The following CNTN4 variants were observed in gnomAD, a reference collection of about 807,000 sequenced individuals.
CNTN4 encodes contactin-4.
Under a neutral mutation model 122.5 loss-of-function variants are expected in CNTN4, and 77 were observed. That is an observed-to-expected ratio of 0.63 (90% CI 0.52 to 0.76). CNTN4 has a LOEUF of 0.76. Ranked by LOEUF, CNTN4 falls within the 30% of genes least tolerant of loss-of-function variation. The pLI, the probability that CNTN4 is intolerant of heterozygous loss-of-function variation, is 0.00. For synonymous variants in CNTN4, 512 were observed against 447.0 expected (o/e 1.15, Z -1.83); for missense variants, 1,256 against 1,259.1 (o/e 1.00, Z 0.04).
At chr3:2,608,809 A>G (rs1047065277) in intron 4 of CNTN4, among the ~76,000 whole-genome samples, 1 of 152,172 alleles carries the variant, frequency 6.6e-6, no homozygotes, top group African/African-American at 2.4e-5. Flanking sequence ...TAAAAAATGC[A>G]TTTGTTTGAG....
At chr3:2,705,173 C>T (rs2086584056) in intron 4 of CNTN4, among the ~76,000 whole-genome samples, 1 of 151,088 alleles carries the variant, frequency 6.6e-6, no homozygotes. Flanking sequence ...TCGAGACCAT[C>T]CTGGCTAACA....
chr3:2,196,489 A>G (rs1383677879), intron 2 of CNTN4, among the ~76,000 whole-genome samples: 1 of 152,262 alleles, frequency 6.6e-6, no homozygotes, highest in African/African-American at 2.4e-5. Flanking sequence ...TCACTTAATT[A>G]TACGGCCAAT....
intron 2 of CNTN4, among the ~76,000 whole-genome samples, chr3:2,169,298 A>G (rs1305587066): frequency 6.6e-6 from 1 of 152,210 alleles, no homozygotes; most frequent in Non-Finnish European, 1.5e-5. Context: ...TATTTATAAT[A>G]CATTGAAAAG....
intron 2 of CNTN4, among the ~76,000 whole-genome samples, chr3:2,322,635 T>G (rs2043311061): frequency 6.6e-6 from 1 of 152,258 alleles, no homozygotes; most frequent in Admixed American, 6.5e-5. Context: ...GTGAATGTAC[T>G]TAATGCCACT....
chr3:2,111,969 C>T (rs2032993553), intron 2 of CNTN4, among the ~76,000 whole-genome samples: 1 of 151,972 alleles, frequency 6.6e-6, no homozygotes. Context: ...TGCTCATATG[C>T]TTTTATCTAT....
chr3:2,202,272 G>T (rs1334797559), intron 2 of CNTN4, among the ~76,000 whole-genome samples: 1 of 152,124 alleles, frequency 6.6e-6, no homozygotes, highest in Non-Finnish European at 1.5e-5. Context: ...TATCTTTAAG[G>T]TTCCTAGTTC....
At chr3:2,553,806 A>G (rs2078612448) in intron 3 of CNTN4, among the ~76,000 whole-genome samples, 1 of 152,110 alleles carries the variant, frequency 6.6e-6, no homozygotes, top group South Asian at 2.1e-4. Flanking sequence ...TTTTCATTTC[A>G]CTCTTTTCTA....
At chr3:2,467,889 C>T (rs1248196820) in intron 3 of CNTN4, among the ~76,000 whole-genome samples, 8 of 152,192 alleles carry the variant, frequency 5.3e-5, no homozygotes, top group African/African-American at 1.9e-4. Context: ...ATTCACACAT[C>T]ACCTCATACT....
chr3:2,648,119 C>G (rs558428251), intron 4 of CNTN4, among the ~76,000 whole-genome samples: 7 of 152,200 alleles, frequency 4.6e-5, no homozygotes, highest in Non-Finnish European at 1.0e-4. Context: ...TGCCACTTTG[C>G]CTTCAGAACC....
chr3:2,950,956 T>C (rs1458570985), intron 13 of CNTN4, among the ~76,000 whole-genome samples: 1 of 152,228 alleles, frequency 6.6e-6, no homozygotes, highest in Non-Finnish European at 1.5e-5. Context: ...ATAATGGACA[T>C]TAAATACATA....
chr3:2,406,893 C>T (rs935848008), intron 3 of CNTN4, among the ~76,000 whole-genome samples: 4 of 152,162 alleles, frequency 2.6e-5, no homozygotes, highest in African/African-American at 9.7e-5. Flanking sequence ...TACTCAGATG[C>T]ACTTACTGTG....
chr3:2,814,766 C>T (rs2092690349), intron 6 of CNTN4, among the ~76,000 whole-genome samples: 1 of 152,200 alleles, frequency 6.6e-6, no homozygotes, highest in African/African-American at 2.4e-5. Flanking sequence ...TTTGTATCTT[C>T]TGGCCACTTC....
chr3:2,459,271 C>G (rs2049114796), intron 3 of CNTN4, among the ~76,000 whole-genome samples: 1 of 152,026 alleles, frequency 6.6e-6, no homozygotes. Context: ...TTTTCTTCAC[C>G]TCACCTAATT....
chr3:2,347,771 A>G (rs2044458390), intron 3 of CNTN4, among the ~76,000 whole-genome samples: 1 of 151,184 alleles, frequency 6.6e-6, no homozygotes, highest in Admixed American at 6.6e-5. Flanking sequence ...TATGAAAAGC[A>G]CTGCACGGCT....
chr3:2,130,290 A>C (rs1476512475), intron 2 of CNTN4, among the ~76,000 whole-genome samples: 1 of 152,182 alleles, frequency 6.6e-6, no homozygotes, highest in Non-Finnish European at 1.5e-5. Context: ...GCTCTGAACC[A>C]TTGAGGGCCA....
rs1442204909 is a variant in CNTN4, at chr3:2,848,138, GCTA to G, written c.455-18611_455-18609del. On this transcript the variant is annotated intron_variant, in intron 7 of 24. Transcript: ENST00000418658. ...TAGTGGCATACACCTGTAGTCCCCAGCTACTCAGGAGGGTCACTTGAGCCCAGG... is the reference window on the plus strand; with the variant it reads ...TAGTGGCATACACCTGTAGTCCCCAGCTCAGGAGGGTCACTTGAGCCCAGG... 3.9e-5 allele frequency among the ~76,000 whole-genome samples: 6 copies of G among 152,238 alleles called. No homozygotes were observed. In the East Asian group the frequency reaches 1.2e-3, roughly 29 times the overall value.
At chr3:3,004,958 T>G (rs6799820) in intron 14 of CNTN4, among the ~76,000 whole-genome samples, 32,909 of 152,196 alleles carry the variant, frequency 0.22, 4,029 homozygotes, top group African/African-American at 0.31. Flanking sequence ...TGAAGCTCCT[T>G]CTTTTAAAAT....
intron 2 of CNTN4, among the ~76,000 whole-genome samples, chr3:2,294,287 A>ATTTTTTTTTTTT (rs1181394749): frequency 8.0e-6 from 1 of 125,282 alleles, no homozygotes; most frequent in African/African-American, 3.0e-5. Flanking sequence ...AAGAGTTGTG[A>ATTTTTTTTTTTT]CTTTTTTTTT....
At chr3:2,249,910 G>A (rs1398085199) in intron 2 of CNTN4, among the ~76,000 whole-genome samples, 1 of 151,732 alleles carries the variant, frequency 6.6e-6, no homozygotes, top group Admixed American at 6.6e-5. Flanking sequence ...CCTATAGAGG[G>A]ATTTTGAATA....
Sources: gnomAD v4.1 joint callset for allele counts (sites outside exome capture counted in the v4.1 genomes callset) on GRCh38, gnomAD v4.1.1 for gene constraint, MANE v1.5 for transcripts, NCBI Gene and HGNC (gene_info 2026-07-23, HGNC 2026-07-21) for gene names.